The following F11R variants were observed in gnomAD, a reference collection of about 807,000 sequenced individuals.
The protein encoded by F11R is F11 receptor.
F11R carries 27 observed loss-of-function variants against 39.3 expected under a neutral mutation model. That is an observed-to-expected ratio of 0.69 (90% confidence interval 0.51 to 0.95). The LOEUF is 0.95. Among genes scored for constraint, F11R ranks in the 40% least tolerant of loss-of-function variants. The pLI is 0.00. For synonymous variants in F11R, 131 were observed against 144.9 expected (o/e 0.90, Z 0.69); for missense variants, 335 against 372.7 (o/e 0.90, Z 0.83).
intron 1 of F11R, among the ~76,000 whole-genome samples, chr1:161,017,134 G>GGC (rs1649509832): frequency 6.6e-6 from 1 of 151,842 alleles, no homozygotes; most frequent in Non-Finnish European, 1.5e-5. Context: ...CACTGCGGAA[G>GGC]GCCGCAGGGA....
At chr1:161,000,394 G>A in intron 4 of F11R, 46 bp from the exon 5 acceptor site, 4 of 1,584,852 alleles carry the variant, frequency 2.5e-6, no homozygotes, top group Non-Finnish European at 3.5e-6. Context: ...GGTGGGGGCT[G>A]CTTGAGTCTA....
At chr1:161,010,440 T>TAAAAAAAAAAAAA (rs1649078749) in intron 1 of F11R, among the ~76,000 whole-genome samples, 1 of 6,946 alleles carries the variant, frequency 1.4e-4, no homozygotes. Context: ...CGAGACTCCA[T>TAAAAAAAAAAAAA]CAAAAAAAAA....
chr1:161,006,302 A>G (rs552342977), intron 1 of F11R, among the ~76,000 whole-genome samples: 5 of 152,276 alleles, frequency 3.3e-5, no homozygotes, highest in Admixed American at 6.5e-5. Context: ...TGCACTCCCT[A>G]ATAAATGTCT....
chr1:161,008,423 A>C (rs567795154), intron 1 of F11R, among the ~76,000 whole-genome samples: 164 of 151,808 alleles, frequency 1.1e-3, no homozygotes, highest in African/African-American at 3.7e-3. Context: ...AATGGCGTGA[A>C]CCCGGGAGGT....
chr1:161,014,796 C>T (rs760341033), intron 1 of F11R, among the ~76,000 whole-genome samples: 2 of 151,558 alleles, frequency 1.3e-5, no homozygotes, highest in Non-Finnish European at 2.9e-5. Context: ...AAAAATTAGC[C>T]GGGCAGCTCA....
chr1:161,008,014 C>T (rs1157325284), intron 1 of F11R, among the ~76,000 whole-genome samples: 1 of 152,138 alleles, frequency 6.6e-6, no homozygotes, highest in Non-Finnish European at 1.5e-5. Context: ...ACCTTGGGCC[C>T]ATACATACCA....
At chr1:161,000,800 C>A (rs1469019240) in intron 3 of F11R, 23 bp from the exon 4 acceptor site, 3 of 1,613,858 alleles carry the variant, frequency 1.9e-6, no homozygotes, top group Admixed American at 1.7e-5. Context: ...GAGGCAAGAG[C>A]AAGGACAGAG....
chr1:161,016,189 A>C (rs1649456388), intron 1 of F11R, among the ~76,000 whole-genome samples: 1 of 151,926 alleles, frequency 6.6e-6, no homozygotes, highest in Admixed American at 6.6e-5. Flanking sequence ...AATACAAAAA[A>C]TTAGGGGCCG....
At chr1:161,017,116 G>C (rs1649506451) in intron 1 of F11R, among the ~76,000 whole-genome samples, 1 of 152,044 alleles carries the variant, frequency 6.6e-6, no homozygotes, top group Non-Finnish European at 1.5e-5. Flanking sequence ...AGTACCCAGG[G>C]ACAAAAACAC....
rs184678169 is a variant in F11R, at chr1:161,014,722, T to C, written c.64+6288A>G. Reference sequence around the variant, plus strand: ...TGGGAGGCCAAGGCAGGCGGATCACTTGAAGTCAGGAATTCAAGACCAGCT... The same window carrying C: ...TGGGAGGCCAAGGCAGGCGGATCACCTGAAGTCAGGAATTCAAGACCAGCT... On this transcript the variant is annotated intron_variant, in intron 1 of 9. Coordinates refer to ENST00000368026, the MANE Select transcript of F11R (RefSeq NM_016946.6). Among the ~76,000 whole-genome samples, 34 of 149,934 alleles carry C rather than the reference T, an allele frequency of 2.3e-4. 1 individual carries two copies. In the East Asian group the frequency reaches 3.6e-3, roughly 16 times the overall value.
Position 160,997,146 on chromosome 1 carries a change from G to A in F11R, c.*1725C>T, listed in dbSNP as rs1648176863. The A allele has an allele frequency of 6.6e-6, 1 of 152,340 alleles. No homozygotes were observed. The highest frequency in any genetic ancestry group is 2.1e-4 in the South Asian group (1 of 4,830). The allele number at this position is 152,340 out of a possible 1,614,324, so 9.4% of individuals were successfully genotyped here. On this transcript the variant is annotated 3_prime_UTR_variant, in exon 10 of 10. Transcript: ENST00000368026. ...GGCAGAGAAGGGTCCAAATGGGGAG[G>A]AAGAAAGCAATGACAGCCAGGCTGT... is the stretch of plus-strand genomic sequence containing the variant.
intron 1 of F11R, among the ~76,000 whole-genome samples, chr1:161,008,514 G>GA (rs1346068573): frequency 6.6e-6 from 1 of 151,560 alleles, no homozygotes; most frequent in Admixed American, 6.6e-5. Context: ...AAAAAAAAAA[G>GA]AAAGTCCATT....
At chr1:161,000,531 C>T in intron 4 of F11R, 100 bp downstream of exon 4, 9 of 1,541,548 alleles carry the variant, frequency 5.8e-6, no homozygotes, top group East Asian at 2.3e-5. Context: ...GAATAGCCCA[C>T]CTGTGGGTAT....
intron 1 of F11R, among the ~76,000 whole-genome samples, chr1:161,019,319 G>A (rs1047911454): frequency 6.6e-6 from 1 of 152,146 alleles, no homozygotes; most frequent in Non-Finnish European, 1.5e-5. Context: ...GACATGGCCA[G>A]CCGCGGTGGC....
At chr1:161,020,710 G>T (rs1188803655) in intron 1 of F11R, among the ~76,000 whole-genome samples, 1 of 152,190 alleles carries the variant, frequency 6.6e-6, no homozygotes, top group Non-Finnish European at 1.5e-5. Context: ...TCCTTGGCCC[G>T]ACGGCCCTCT....
chr1:161,003,400 G>A (rs1011729660), intron 1 of F11R, among the ~76,000 whole-genome samples: 5 of 151,992 alleles, frequency 3.3e-5, no homozygotes, highest in Non-Finnish European at 7.4e-5. Flanking sequence ...TGGGATTACA[G>A]GCGTGATTAA....
intron 1 of F11R, among the ~76,000 whole-genome samples, chr1:161,008,975 T>G (rs1648978414): frequency 6.6e-6 from 1 of 152,228 alleles, no homozygotes. Flanking sequence ...TCCAGCACTA[T>G]CTGACCCCTT....
chr1:161,019,929 A>T (rs1649662492), intron 1 of F11R, among the ~76,000 whole-genome samples: 1 of 152,180 alleles, frequency 6.6e-6, no homozygotes, highest in African/African-American at 2.4e-5. Flanking sequence ...TGAGCAGTCA[A>T]TCCATCTAAG....
intron 1 of F11R, among the ~76,000 whole-genome samples, chr1:161,013,362 TA>T (rs920334703): frequency 6.6e-5 from 10 of 152,330 alleles, no homozygotes; most frequent in African/African-American, 2.2e-4. Flanking sequence ...GTTTTCCCCC[TA>T]ATCTCTAGCA....
Sources: gnomAD v4.1 joint callset for allele counts (sites outside exome capture counted in the v4.1 genomes callset) on GRCh38, gnomAD v4.1.1 for gene constraint, MANE v1.5 for transcripts, NCBI Gene and HGNC (gene_info 2026-07-23, HGNC 2026-07-21) for gene names.